The following ZNF222 variants were observed in gnomAD, a reference collection of about 807,000 sequenced individuals.
The protein encoded by ZNF222 is zinc finger protein 222.
A neutral mutation model predicts 11.6 loss-of-function variants in ZNF222; 8 were observed. That is an observed-to-expected ratio of 0.69 (90% confidence interval 0.41 to 1.25). ZNF222 has a LOEUF of 1.25. Ranked by LOEUF, ZNF222 falls within the 50% of genes most tolerant of loss-of-function variation. The pLI, the probability that ZNF222 is intolerant of heterozygous loss-of-function variation, is 0.01. For missense variants in ZNF222, 483 were observed against 576.1 expected (o/e 0.84, Z 1.65); for synonymous variants, 171 against 195.6 (o/e 0.87, Z 1.05).
At chr19:44,031,730 C>T (rs1466018099) in intron 3 of ZNF222, 87 bp from the exon 4 acceptor site, 3 of 1,453,786 alleles carry the variant, frequency 2.1e-6, no homozygotes, top group East Asian at 2.3e-5. Context: ...GTCCACCCGC[C>T]TCGGCCTCCC....
At chr19:44,028,423 C>G (rs1485306225) in intron 3 of ZNF222, 2 of 393,846 alleles carry the variant, frequency 5.1e-6, no homozygotes, top group Non-Finnish European at 8.9e-6. Context: ...CTCACTTGCT[C>G]TTCTCTCTGA....
chr19:44,030,571 C>G (rs1976481774), intron 3 of ZNF222, among the ~76,000 whole-genome samples: 1 of 152,158 alleles, frequency 6.6e-6, no homozygotes, highest in Admixed American at 6.5e-5. Context: ...TATAGTTAAC[C>G]AAGAGAGAAA....
At position 44,027,402 on chromosome 19, in the gene ZNF222, T is replaced by G. The variant is rs754782930; in HGVS notation, c.174T>G (p.His58Gln). Residue 58 changes from histidine to glutamine, a missense_variant, in exon 3 of 4, where the codon CAT (histidine) becomes CAG (glutamine). Coordinates refer to ENST00000391960, the MANE Select transcript of ZNF222 (RefSeq NM_001129996.2). ...TGTGACTTTGCCTGTTCACAGGGCATCAACCATTCCATGGAGATACTTTCC... is the reference window on the plus strand; with the variant it reads ...TGTGACTTTGCCTGTTCACAGGGCAGCAACCATTCCATGGAGATACTTTCC... ...ENFRNLLSVG[H>Q]QPFHGDTFHF... 5.6e-6 allele frequency: 9 copies of G among 1,614,138 alleles called. No individual in the cohort carries two copies. The South Asian group carries it at 9.9e-5, about 18-fold the overall frequency.
At position 44,033,052 on chromosome 19, in the gene ZNF222, T is replaced by C. The variant is rs1448344797; in HGVS notation, c.*22T>C. The C allele has an allele frequency of 6.8e-7, 1 of 1,471,626 alleles. No individual in the cohort carries two copies. Among genetic ancestry groups the C allele is most frequent in the Non-Finnish European group, 9.0e-7 (1 of 1,110,048 alleles). 91.2% of individuals were successfully genotyped at this position (1,471,626 alleles called of 1,614,324 possible). On this transcript the variant is annotated 3_prime_UTR_variant, in exon 4 of 4. Coordinates refer to ENST00000391960, the MANE Select transcript of ZNF222 (RefSeq NM_001129996.2). ...ATAAGTTATACATATTTATGGAGTG[T>C]GAAATTTGATACATGTATATAATGT...
At chr19:44,026,028 C>T (rs1190097711) in intron 1 of ZNF222, 1 of 1,611,836 alleles carries the variant, frequency 6.2e-7, no homozygotes, top group Admixed American at 1.7e-5. Context: ...TTCCCCAGCC[C>T]GACCTTTCTA....
At position 44,032,618 on chromosome 19, in the gene ZNF222, G is replaced by A. The variant is rs773512841; in HGVS notation, c.1064G>A (p.Cys355Tyr). 35 of 1,614,104 alleles carry A rather than the reference G, an allele frequency of 2.2e-5. No homozygotes were observed. Among genetic ancestry groups the A allele is most frequent in the Non-Finnish European group, 3.0e-5 (35 of 1,180,036 alleles). ...CATATGGGACAGAAACCATATAATT[G>A]TAAAGAATGTGGGAAGAGCTTCAAA... Reference protein sequence around the residue: ...MIHMGQKPYNCKECGKSFKWS... With the variant: ...MIHMGQKPYNYKECGKSFKWS... Residue 355 changes from cysteine to tyrosine, a missense_variant, in exon 4 of 4, where the codon TGT (cysteine) becomes TAT (tyrosine). Coordinates refer to ENST00000391960, the MANE Select transcript of ZNF222 (RefSeq NM_001129996.2).
At chr19:44,031,299 G>A (rs1184588688) in intron 3 of ZNF222, among the ~76,000 whole-genome samples, 2 of 152,168 alleles carry the variant, frequency 1.3e-5, no homozygotes, top group Admixed American at 1.3e-4. Context: ...GAGACATGGT[G>A]TGGTTCTAAA....
At position 44,025,532 on chromosome 19, in the gene ZNF222, G is replaced by T; in HGVS notation, c.42+54G>T. ...GTTCCAGTCAGCTGAGCCTTCTGGC[G>T]TCGGGGGGCTCTGCTAGGGTCTCAG... On this transcript the variant is annotated intron_variant, in intron 1 of 3. Coordinates refer to ENST00000391960, the MANE Select transcript of ZNF222 (RefSeq NM_001129996.2). This position sits in a 1 kb window ranked among gnomAD's most constrained non-coding sequence, Gnocchi z 4.6. 1 of 1,512,776 alleles carries T rather than the reference G, an allele frequency of 6.6e-7. No individual in the cohort carries two copies. The highest frequency in any genetic ancestry group is 1.7e-4 in the Middle Eastern group (1 of 5,762). The allele number at this position is 1,512,776 out of a possible 1,614,324, so 93.7% of individuals were successfully genotyped here. A position where few individuals can be genotyped will look rare whatever the true frequency, so the allele number is the denominator to read the frequency against.
rs781584645 is a variant in ZNF222, at chr19:44,031,885, C to T, written c.331C>T (p.Gln111Ter). The T allele has an allele frequency of 6.2e-7, 1 of 1,614,154 alleles. No individual in the cohort carries two copies. The highest frequency in any genetic ancestry group is 2.2e-5 in the East Asian group (1 of 44,886). ...AACACATGAAGAATTTTCCTGCAAG[C>T]AAATTTGGGAACAAATTGCAAGTGA... Reference protein sequence around the residue: ...AGTHEEFSCKQIWEQIASDLT... With the variant: ...AGTHEEFSCK Residue 111 changes from glutamine (Q) to a stop codon, truncating the protein, a stop_gained, in exon 4 of 4, where the codon CAA becomes TAA. Coordinates refer to ENST00000391960, the MANE Select transcript of ZNF222 (RefSeq NM_001129996.2). LOFTEE classifies it low-confidence loss of function (END_TRUNC).
chr19:44,027,282 A>C (rs1874599430), intron 2 of ZNF222, 116 bp from the exon 3 acceptor site: 2 of 1,575,006 alleles, frequency 1.3e-6, no homozygotes, highest in Admixed American at 1.7e-5. Flanking sequence ...AGGTTGGTGC[A>C]AAAGTAATTG....
chr19:44,029,186 G>GTTTTGTTTTT (rs1156365861), intron 3 of ZNF222, among the ~76,000 whole-genome samples: 1 of 97,840 alleles, frequency 1.0e-5, no homozygotes, highest in Non-Finnish European at 2.1e-5. Flanking sequence ...GGTTTGTTTT[G>GTTTTGTTTTT]TTTTGTTTTT....
intron 1 of ZNF222, chr19:44,026,038 A>G: frequency 1.2e-6 from 2 of 1,613,218 alleles, no homozygotes; most frequent in Non-Finnish European, 1.7e-6. Context: ...CGACCTTTCT[A>G]AAAGAGCTGC....
In ZNF222 at chr19:44,029,191, G is replaced by GTTT. The variant is rs1171435860; in HGVS notation, c.262+1722_262+1724dup. ...GACAGTTGTTGGTTTGTTTTGTTTT[G>GTTT]TTTTTTTTTTTTTTTTTTTTTTTGT... is the stretch of plus-strand genomic sequence containing the variant. On this transcript the variant is annotated intron_variant, in intron 3 of 3. Transcript: ENST00000391960. 3.3e-3 allele frequency among the ~76,000 whole-genome samples: 202 copies of GTTT among 61,922 alleles called. 1 individual carries two copies. Among genetic ancestry groups the GTTT allele is most frequent in the South Asian group, 7.9e-3 (14 of 1,778 alleles). The allele number at this position is 61,922 out of a possible 152,430, so 40.6% of individuals were successfully genotyped here.
chr19:44,028,024 T>C (rs1489679254), intron 3 of ZNF222, among the ~76,000 whole-genome samples: 1 of 152,182 alleles, frequency 6.6e-6, no homozygotes, highest in Non-Finnish European at 1.5e-5. Flanking sequence ...CTTTGTTCCT[T>C]TCTGGATGTT....
intron 3 of ZNF222, among the ~76,000 whole-genome samples, chr19:44,030,070 A>G (rs1189159844): frequency 6.6e-6 from 1 of 152,164 alleles, no homozygotes. Context: ...CTTGAGTATA[A>G]AAAGTTATAA....
In ZNF222 at chr19:44,032,469, C is replaced by T. The variant is rs1325142867; in HGVS notation, c.915C>T (p.Ser305=). The change falls in exon 4 of 4, where the codon AGC becomes AGT. Residue 305 remains serine (S), a synonymous_variant. Transcript: ENST00000391960. Reference sequence around the variant, plus strand: ...TCAAATGTGAAATATGTGGTAAGAGCTTCTGTCTTAGGTCAAGTCTTAATA... The same window carrying T: ...TCAAATGTGAAATATGTGGTAAGAGTTTCTGTCTTAGGTCAAGTCTTAATA... ...KPFKCEICGK[S]FCLRSSLNRH... The T allele has an allele frequency of 6.2e-7, 1 of 1,614,062 alleles. No individual in the cohort carries two copies. Among genetic ancestry groups the T allele is most frequent in the South Asian group, 1.1e-5 (1 of 91,088 alleles).
At chr19:44,026,231 A>T (rs1216610825) in intron 1 of ZNF222, 1 of 783,190 alleles carries the variant, frequency 1.3e-6, no homozygotes, top group East Asian at 2.6e-5. Flanking sequence ...CCCAAAATAC[A>T]TGATCTTCAC....
At position 44,032,552 on chromosome 19, in the gene ZNF222, G is replaced by T. The variant is rs1568505344; in HGVS notation, c.998G>T (p.Gly333Val). ...TACAAATCTGAAAAGTATGGAAGAG[G>T]TTTCATTGATAGGCTAGATTTGCAT... ...KLYKSEKYGR[G>V]FIDRLDLHKH... Residue 333 changes from glycine (G) to valine (V), a missense_variant, in exon 4 of 4, where the codon GGT becomes GTT. Transcript: ENST00000391960. The T allele has an allele frequency of 6.2e-7, 1 of 1,614,186 alleles. No individual in the cohort carries two copies. The highest frequency in any genetic ancestry group is 8.5e-7 in the Non-Finnish European group (1 of 1,180,038).
chr19:44,032,776 T>C lies in ZNF222; in HGVS notation c.1222T>C (p.Ser408Pro), dbSNP rs764273459. Residue 408 changes from serine to proline, a missense_variant, in exon 4 of 4, where the codon TCT (serine) becomes CCT (proline). Transcript: ENST00000391960. The stretch of plus-strand genomic sequence containing the variant: ...CCATAGAACCCACACGGGAGAGAGA[T>C]CTTATAACTGTGATAACTGCGGGAA... ...FHHRTHTGER[S>P]YNCDNCGKSF... is the part of the protein sequence containing the mutation. 22 of 1,614,048 alleles carry C rather than the reference T, an allele frequency of 1.4e-5. No homozygotes were observed. The highest frequency in any genetic ancestry group is 1.8e-5 in the Non-Finnish European group (21 of 1,179,998).
Sources: gnomAD v4.1 joint callset for allele counts (sites outside exome capture counted in the v4.1 genomes callset) on GRCh38, gnomAD v4.1.1 for gene constraint, Gnocchi (gnomAD v3.1) non-coding constraint, MANE v1.5 for transcripts, NCBI Gene and HGNC (gene_info 2026-07-23, HGNC 2026-07-21) for gene names.